UGT2B15: variants seen among roughly 807,000 people sequenced by gnomAD.
UGT2B15 encodes the protein UDP glucuronosyltransferase family 2 member B15, also known as UDP-glucuronosyltransferase 2B15.
UGT2B15 carries 36 observed loss-of-function variants against 45.9 expected under a neutral mutation model. The observed-to-expected ratio is 0.78, with a 90% CI of 0.60 to 1.04. UGT2B15 has a LOEUF of 1.04. Ranked by LOEUF, UGT2B15 falls within the 50% of genes least tolerant of loss-of-function variation. UGT2B15 has a pLI of 0.00. For synonymous variants in UGT2B15, 219 were observed against 216.4 expected, an observed-to-expected ratio of 1.01 and a Z score of -0.11; for missense variants, 617 against 622.4, an observed-to-expected ratio of 0.99 and a Z score of 0.09.
Position 68,670,487 on chromosome 4 carries a change from T to C in UGT2B15, c.132A>G (p.Glu44=). The C allele has an allele frequency of 6.2e-7, 1 of 1,614,058 alleles. No homozygotes were observed. The highest frequency in any genetic ancestry group is 8.5e-7 in the Non-Finnish European group (1 of 1,179,986). ...SHWINMKTIL[E]ELVQRGHEVT... is the part of the protein sequence containing the mutation. The stretch of plus-strand genomic sequence containing the variant: ...CCTCATGACCCCTCTGAACAAGCTC[T>C]TCCAGGATTGTCTTCATATTTATCC... Residue 44 remains glutamate, a synonymous_variant, in exon 1 of 6, where the codon GAA becomes GAG. Coordinates refer to ENST00000338206, the MANE Select transcript of UGT2B15 (RefSeq NM_001076.4).
chr4:68,669,913 A>C lies in UGT2B15; in HGVS notation c.706T>G (p.Phe236Val). The change falls in exon 1 of 6, where the codon TTT (phenylalanine) becomes GTT (valine). Residue 236 changes from phenylalanine (F) to valine (V), a missense_variant. Phe to Val is a conservative substitution (Grantham distance 50). This residue lies in a region of UGT2B15 where 351 missense variants were observed against 342.1 expected (regional missense o/e 1.03). Transcript: ENST00000338206. ...GACTTACCTAGAACTTCACTATAAA[A>C]CTGGTCCCACTTCTTCAGATCATAA... Reference protein sequence around the residue: ...QIYDLKKWDQFYSEVLGRPTT... With the variant: ...QIYDLKKWDQVYSEVLGRPTT... 6.2e-7 allele frequency: 1 copy of C among 1,611,068 alleles called. No homozygotes were observed. Among genetic ancestry groups the C allele is most frequent in the Admixed American group, 1.7e-5 (1 of 58,926 alleles).
At chr4:68,650,120 C>G (rs1732607681) in intron 5 of UGT2B15, among the ~76,000 whole-genome samples, 1 of 152,034 alleles carries the variant, frequency 6.6e-6, no homozygotes, top group African/African-American at 2.4e-5. Flanking sequence ...GGGCGTGAGT[C>G]ACTGCACCTG....
intron 5 of UGT2B15, among the ~76,000 whole-genome samples, chr4:68,649,273 C>CTTTTTTTTTTTTTTTTTTTTTTTTTT (rs71218976): frequency 2.1e-5 from 2 of 93,260 alleles, no homozygotes; most frequent in African/African-American, 4.1e-5. Context: ...TTCATATAAT[C>CTTTTTTTTTTTTTTTTTTTTTTTTTT]TTTTTTTTTT....
rs144609922 is a variant in UGT2B15 at position 68,656,618 on chromosome 4, G to A, written c.1006-1436C>T. 3.0e-3 allele frequency among the ~76,000 whole-genome samples: 452 copies of A among 152,154 alleles called. 8 individuals carry two copies. The highest frequency in any genetic ancestry group is 9.4e-3 in the African/African-American group (392 of 41,526). On this transcript the variant is annotated intron_variant, in intron 3 of 5. Coordinates refer to ENST00000338206, the MANE Select transcript of UGT2B15 (RefSeq NM_001076.4). ...GCTTCCTGTCTTTAAAAAAACAAAT[G>A]TTCTTTTGTTTACTTTTCCTCCACC...
intron 5 of UGT2B15, among the ~76,000 whole-genome samples, chr4:68,650,034 T>C (rs535411127): frequency 5.9e-5 from 9 of 152,112 alleles, no homozygotes; most frequent in Middle Eastern, 3.4e-3. Flanking sequence ...GGTTTCACTA[T>C]GTTGGCCAGG....
chr4:68,667,027 G>A (rs1733150834), intron 2 of UGT2B15, among the ~76,000 whole-genome samples: 1 of 151,976 alleles, frequency 6.6e-6, no homozygotes. Context: ...GATTACAGGT[G>A]TAAGCCACCA....
At chr4:68,653,933 T>C in intron 5 of UGT2B15, 104 bp downstream of exon 5, 1 of 1,451,006 alleles carries the variant, frequency 6.9e-7, no homozygotes, top group African/African-American at 1.4e-5. Flanking sequence ...TTAAATCACT[T>C]CAATCCCTTC....
chr4:68,663,957 C>T (rs1001588597), intron 2 of UGT2B15, among the ~76,000 whole-genome samples: 12 of 151,940 alleles, frequency 7.9e-5, no homozygotes, highest in Non-Finnish European at 8.8e-5. Flanking sequence ...GACTATGACA[C>T]CTTTTGTCCT....
chr4:68,660,927 A>G (rs1360938450), intron 3 of UGT2B15, among the ~76,000 whole-genome samples: 2 of 151,968 alleles, frequency 1.3e-5, no homozygotes, highest in Non-Finnish European at 2.9e-5. Flanking sequence ...CTTCAGAGTA[A>G]TGGGCCTATA....
chr4:68,647,478 T>C, intron 5 of UGT2B15, 95 bp from the exon 6 acceptor site: 1 of 1,344,460 alleles, frequency 7.4e-7, no homozygotes, highest in Non-Finnish European at 1.0e-6. Context: ...GTCACACAAA[T>C]GATTGAAAGT....
chr4:68,669,202 GA>G (rs1179104935), intron 1 of UGT2B15, among the ~76,000 whole-genome samples: 17 of 152,040 alleles, frequency 1.1e-4, no homozygotes, highest in African/African-American at 4.1e-4. Context: ...TATTGACATA[GA>G]GATATGTGCT....
At chr4:68,669,826 A>G in intron 1 of UGT2B15, 69 bp downstream of exon 1, 1 of 1,524,580 alleles carries the variant, frequency 6.6e-7, no homozygotes, top group Non-Finnish European at 8.8e-7. Flanking sequence ...CATTATATTT[A>G]TATAAGCTCA....
intron 5 of UGT2B15, among the ~76,000 whole-genome samples, chr4:68,648,217 A>G (rs548287728): frequency 4.6e-5 from 7 of 152,238 alleles, no homozygotes; most frequent in African/African-American, 1.4e-4. Flanking sequence ...TTAAGAATAA[A>G]TTCCAAATCT....
chr4:68,653,983 C>T lies in UGT2B15; in HGVS notation c.1313+54G>A, dbSNP rs1732727075. ...AAAAACGGGTTAAAATTCATATTCA[C>T]TGTTGACAAAATAATTTATAAATAC... On this transcript the variant is annotated intron_variant, in intron 5 of 5. Transcript: ENST00000338206. 1.3e-6 allele frequency: 2 copies of T among 1,594,346 alleles called. 1 individual carries two copies. The highest frequency in any genetic ancestry group is 1.7e-6 in the Non-Finnish European group (2 of 1,165,718).
At position 68,654,035 on chromosome 4, in the gene UGT2B15, A is replaced by T; in HGVS notation, c.1313+2T>A. On this transcript the variant is annotated splice_donor_variant, in intron 5 of 5. Transcript: ENST00000338206. LOFTEE classifies it high-confidence loss of function. ...ACCTGGTCACAAAACTGTAATACTC[A>T]CACAGGGTCATTAATGACTGACTTC... is the stretch of plus-strand genomic sequence containing the variant. 6.2e-7 allele frequency: 1 copy of T among 1,612,892 alleles called. No individual in the cohort carries two copies.
chr4:68,662,730 T>C (rs1310284269), intron 3 of UGT2B15, among the ~76,000 whole-genome samples: 2 of 150,466 alleles, frequency 1.3e-5, no homozygotes, highest in African/African-American at 4.9e-5. Context: ...GATTTCTATG[T>C]ACATGCTACG....
Position 68,646,854 on chromosome 4 carries a change from A to T in UGT2B15, c.*250T>A. ...TGCTGCATCCAGTAACTCGTCATTT[A>T]ACATTAGGTATATCTCCAAATGCTA... On this transcript the variant is annotated 3_prime_UTR_variant, in exon 6 of 6. Coordinates refer to ENST00000338206, the MANE Select transcript of UGT2B15 (RefSeq NM_001076.4). 3.9e-6 allele frequency: 2 copies of T among 517,166 alleles called. No homozygotes were observed. The highest frequency in any genetic ancestry group is 6.4e-6 in the Non-Finnish European group (2 of 310,648). The allele number at this position is 517,166 out of a possible 1,614,324, so 32.0% of individuals were successfully genotyped here. A position where few individuals can be genotyped will look rare whatever the true frequency, so the allele number is the denominator to read the frequency against.
At chr4:68,658,769 T>C (rs1236338188) in intron 3 of UGT2B15, among the ~76,000 whole-genome samples, 1 of 152,078 alleles carries the variant, frequency 6.6e-6, no homozygotes, top group East Asian at 1.9e-4. Context: ...ACACTATCCT[T>C]CAACTCATTT....
At chr4:68,666,076 C>T (rs934480129) in intron 2 of UGT2B15, among the ~76,000 whole-genome samples, 2 of 152,104 alleles carry the variant, frequency 1.3e-5, no homozygotes, top group Non-Finnish European at 2.9e-5. Context: ...CTGCTACTCT[C>T]TTCCCCCTGC....
Sources: gnomAD v4.1 joint callset for allele counts (sites outside exome capture counted in the v4.1 genomes callset) on GRCh38, gnomAD v4.1.1 for gene constraint, gnomAD v4.1.1 regional missense constraint, MANE v1.5 for transcripts, NCBI Gene and HGNC (gene_info 2026-07-23, HGNC 2026-07-21) for gene names.